MTF2: variants seen among roughly 807,000 people sequenced by gnomAD.
The protein encoded by MTF2 is metal-response element-binding transcription factor 2.
Under a neutral mutation model 79.5 loss-of-function variants are expected in MTF2, and 11 were observed. The ratio of observed to expected loss-of-function variants is 0.14; its 90% CI spans 0.09 to 0.23. MTF2 has a LOEUF of 0.23. Among genes scored for constraint, MTF2 ranks in the 10% least tolerant of loss-of-function variants. MTF2 has a pLI of 1.00. For synonymous variants in MTF2, 208 were observed against 232.8 expected (o/e 0.89, Z 0.97); for missense variants, 486 against 711.2 (o/e 0.68, Z 3.60).
intron 1 of MTF2, among the ~76,000 whole-genome samples, chr1:93,104,138 C>T (rs1054715798): frequency 3.0e-4 from 44 of 146,154 alleles, no homozygotes; most frequent in Admixed American, 2.8e-3. Flanking sequence ...CAAGGTCTCA[C>T]TGTGTTGCCC....
rs1196691787 is a variant in MTF2 at position 93,098,489 on chromosome 1, A to G, written c.6-11741A>G. Among the ~76,000 whole-genome samples, 6 of 152,164 alleles carry G rather than the reference A, an allele frequency of 3.9e-5. No individual in the cohort carries two copies. In the East Asian group the frequency reaches 1.2e-3, roughly 29 times the overall value. On this transcript the variant is annotated intron_variant, in intron 1 of 14. Coordinates refer to ENST00000370298, the MANE Select transcript of MTF2 (RefSeq NM_007358.4). ...GTACCTGGCATATAGCAGGCATTGT[A>G]TATTTGTTGAATGACCAGAGCCATT...
chr1:93,132,989 T>G (rs1458609681), intron 11 of MTF2, among the ~76,000 whole-genome samples: 1 of 152,042 alleles, frequency 6.6e-6, no homozygotes, highest in Non-Finnish European at 1.5e-5. Context: ...ATATATATTT[T>G]CTTTTTTTCT....
intron 9 of MTF2, among the ~76,000 whole-genome samples, chr1:93,122,925 A>G (rs184155452): frequency 3.5e-4 from 53 of 152,186 alleles, no homozygotes; most frequent in African/African-American, 1.1e-3. Flanking sequence ...ATTACTTTCA[A>G]ATGTTTGTAG....
chr1:93,079,559 T>G, intron 1 of MTF2, 28 bp downstream of exon 1: 1 of 1,612,902 alleles, frequency 6.2e-7, no homozygotes, highest in Admixed American at 1.7e-5. Context: ...GGGAACCGAC[T>G]CTTCCGGAGG....
chr1:93,095,638 C>T (rs1447250038), intron 1 of MTF2, among the ~76,000 whole-genome samples: 2 of 150,778 alleles, frequency 1.3e-5, no homozygotes, highest in African/African-American at 4.9e-5. Flanking sequence ...GCCACCCTGC[C>T]TGGCTATTTC....
At chr1:93,104,084 G>A (rs941659350) in intron 1 of MTF2, among the ~76,000 whole-genome samples, 4 of 149,842 alleles carry the variant, frequency 2.7e-5, no homozygotes, top group Admixed American at 6.7e-5. Flanking sequence ...GACCACAGGC[G>A]TATGCCACTA....
chr1:93,138,604 C>A lies in MTF2; in HGVS notation c.*1577C>A, dbSNP rs1647497024. 1 of 152,136 alleles carries A rather than the reference C, an allele frequency of 6.6e-6. No individual in the cohort carries two copies. The highest frequency in any genetic ancestry group is 1.5e-5 in the Non-Finnish European group (1 of 68,014). The allele number at this position is 152,136 out of a possible 1,614,324, so 9.4% of individuals were successfully genotyped here. On this transcript the variant is annotated 3_prime_UTR_variant, in exon 15 of 15. Coordinates refer to ENST00000370298, the MANE Select transcript of MTF2 (RefSeq NM_007358.4). Reference sequence around the variant, plus strand: ...TTGTCTGCATTTGGTTCCTGGTTGGCCAGGTATAAATGAGCTTTACAAAAG... The same window carrying A: ...TTGTCTGCATTTGGTTCCTGGTTGGACAGGTATAAATGAGCTTTACAAAAG...
rs1247911428 is a variant in MTF2, at chr1:93,118,398, C to T, written c.686C>T (p.Ala229Val). The change falls in exon 7 of 15, where the codon GCT becomes GTT. Residue 229 changes from alanine to valine, a missense_variant. By Grantham distance (64) the Ala-to-Val change is moderately conservative. This residue lies in a region of MTF2 where 177 missense variants were observed against 364.0 expected (regional missense o/e 0.49). Transcript: ENST00000370298. ...AAATGTAAGCAGTGGTTTCATGAGG[C>T]TTGTGTGCAATGCCTTCAAAAGCCA... ...CCKCKQWFHE[A>V]CVQCLQKPML... is the part of the protein sequence containing the mutation. 1 of 1,602,500 alleles carries T rather than the reference C, an allele frequency of 6.2e-7. No individual in the cohort carries two copies.
In MTF2 at chr1:93,096,808, C is replaced by CT. The variant is rs961849389; in HGVS notation, c.6-13403dup. ...GTGTATATTTTCTTTTTTTCTTTTTCTTTTTTTTTTTTTTTTTTTGGAGAC... is the reference window on the plus strand; with the variant it reads ...GTGTATATTTTCTTTTTTTCTTTTTCTTTTTTTTTTTTTTTTTTTTGGAGAC... On this transcript the variant is annotated intron_variant, in intron 1 of 14. Coordinates refer to ENST00000370298, the MANE Select transcript of MTF2 (RefSeq NM_007358.4). Among the ~76,000 whole-genome samples, 788 of 136,262 alleles carry CT rather than the reference C, an allele frequency of 5.8e-3. 6 individuals are homozygous for CT. Among genetic ancestry groups the CT allele is most frequent in the Middle Eastern group, 0.011 (3 of 274 alleles). The allele number at this position is 136,262 out of a possible 152,430, so 89.4% of individuals were successfully genotyped here.
intron 1 of MTF2, among the ~76,000 whole-genome samples, chr1:93,097,433 T>G (rs1270062954): frequency 6.6e-6 from 1 of 152,238 alleles, no homozygotes; most frequent in Non-Finnish European, 1.5e-5. Context: ...AGTTAATTCT[T>G]AATGTCTGTC....
rs185429261 is a variant in MTF2, at chr1:93,112,614, T to G, written c.286+1988T>G. Among the ~76,000 whole-genome samples, 586 of 152,344 alleles carry G rather than the reference T, an allele frequency of 3.8e-3. 5 individuals are homozygous for G. Among genetic ancestry groups the G allele is most frequent in the Admixed American group, 5.8e-3 (89 of 15,298 alleles). Reference sequence around the variant, plus strand: ...TAATAGACTCCTTTCTAGCAGTTTATTCATAAGAAGTAATTCAAAAAATAC... The same window carrying G: ...TAATAGACTCCTTTCTAGCAGTTTAGTCATAAGAAGTAATTCAAAAAATAC... On this transcript the variant is annotated intron_variant, in intron 3 of 14. Transcript: ENST00000370298.
chr1:93,104,298 G>A (rs1046250959), intron 1 of MTF2, among the ~76,000 whole-genome samples: 2 of 152,046 alleles, frequency 1.3e-5, no homozygotes, highest in Non-Finnish European at 2.9e-5. Context: ...TGGGTAAAAG[G>A]TTGATGTGTA....
At chr1:93,093,790 A>G (rs1045602717) in intron 1 of MTF2, among the ~76,000 whole-genome samples, 1 of 152,138 alleles carries the variant, frequency 6.6e-6, no homozygotes, top group Non-Finnish European at 1.5e-5. Context: ...AGTACACTAC[A>G]GCCCTGAACT....
intron 1 of MTF2, among the ~76,000 whole-genome samples, chr1:93,087,307 C>CAA (rs1654884765): frequency 2.6e-5 from 4 of 152,164 alleles, no homozygotes; most frequent in Admixed American, 1.3e-4. Flanking sequence ...TGTGGTGGCT[C>CAA]ACGCCTGTAA....
intron 9 of MTF2, among the ~76,000 whole-genome samples, chr1:93,125,497 G>GC (rs1474595100): frequency 6.6e-6 from 1 of 151,918 alleles, no homozygotes; most frequent in African/African-American, 2.4e-5. Context: ...CTTATGGAGG[G>GC]CCATAGGGGT....
chr1:93,082,231 C>A (rs1207441684), intron 1 of MTF2, among the ~76,000 whole-genome samples: 1 of 149,956 alleles, frequency 6.7e-6, no homozygotes, highest in East Asian at 1.9e-4. Context: ...AAACATAATA[C>A]AAAGTGAGCA....
At chr1:93,113,428 G>C (rs914899786) in intron 3 of MTF2, among the ~76,000 whole-genome samples, 3 of 151,438 alleles carry the variant, frequency 2.0e-5, no homozygotes, top group African/African-American at 7.3e-5. Flanking sequence ...GAGGATGAGA[G>C]ACCAGAACAA....
intron 1 of MTF2, among the ~76,000 whole-genome samples, chr1:93,086,749 G>C (rs1654854530): frequency 6.6e-6 from 1 of 152,036 alleles, no homozygotes; most frequent in Admixed American, 6.6e-5. Flanking sequence ...TATTTATAAA[G>C]TCCTTTTGTA....
Position 93,129,396 on chromosome 1 carries a change from C to T in MTF2, c.1108C>T (p.His370Tyr). ...KAEKEPEGTS[H>Y]EFKIKGRKAS... ...AGAGAAAGAACCTGAAGGAACATCT[C>T]ATGAATTTAAAATTAAAGGCAGAAA... is the stretch of plus-strand genomic sequence containing the variant. Residue 370 changes from histidine to tyrosine, a missense_variant, in exon 11 of 15, where the codon CAT (histidine) becomes TAT (tyrosine). By Grantham distance (83) the His-to-Tyr change is moderately conservative (BLOSUM62 2). Coordinates refer to ENST00000370298, the MANE Select transcript of MTF2 (RefSeq NM_007358.4). 6.3e-7 allele frequency: 1 copy of T among 1,575,856 alleles called. No individual in the cohort carries two copies. Among genetic ancestry groups the T allele is most frequent in the Non-Finnish European group, 8.7e-7 (1 of 1,154,070 alleles).
Sources: allele counts gnomAD v4.1 joint callset (sites outside exome capture counted in the v4.1 genomes callset), GRCh38; gene constraint gnomAD v4.1.1; regional missense constraint gnomAD v4.1.1; transcripts MANE v1.5; gene names NCBI Gene and HGNC (gene_info 2026-07-23, HGNC 2026-07-21).